PAK3: variants seen among roughly 807,000 people sequenced by gnomAD.
PAK3 encodes p21 (RAC1) activated kinase 3.
A neutral mutation model predicts 41.0 loss-of-function variants in PAK3; 4 were observed. The ratio of observed to expected loss-of-function variants is 0.10; its 90% CI spans 0.05 to 0.22. The LOEUF (loss-of-function observed/expected upper bound fraction) is 0.22. PAK3 is among the 10% of genes least tolerant of loss of function. The probability of loss-of-function intolerance (pLI) is 1.00; values close to 1 mark genes in which losing one functional copy is unlikely to be tolerated. For missense variants in PAK3, 205 were observed against 409.9 expected (o/e 0.50, Z 4.32); for synonymous variants, 146 against 139.6 (o/e 1.05, Z -0.32).
In PAK3 at chrX:111,195,915, T is replaced by C. The variant is rs1396231947; in HGVS notation, c.1184T>C (p.Leu395Pro). The C allele has an allele frequency of 8.7e-7, 1 of 1,148,018 alleles. No homozygotes were observed. The highest frequency in any genetic ancestry group is 1.2e-6 in the Non-Finnish European group (1 of 837,418). 94.6% of individuals were successfully genotyped at this position (1,148,018 alleles called of 1,213,427 possible). A position where few individuals can be genotyped will look rare whatever the true frequency, so the allele number is the denominator to read the frequency against. ...HRDIKSDNIL[L>P]GMDGSVKLTD... is the part of the protein sequence containing the mutation. ...GATATAAAGAGTGACAATATTCTTC[T>C]CGGGATGGATGGCTCTGTTAAATTG... Residue 395 changes from leucine (L) to proline (P), a missense_variant, in exon 15 of 18, where the codon CTC becomes CCC. Leu to Pro is a moderately conservative substitution (Grantham distance 98). This residue lies in a region of PAK3 where 42 missense variants were observed against 152.7 expected (regional missense o/e 0.28). Coordinates refer to ENST00000372007, the MANE Select transcript of PAK3 (RefSeq NM_002578.5).
chrX:111,007,337 CA>C (rs1218985023), intron 1 of PAK3, among the ~76,000 whole-genome samples: 2 of 111,348 alleles, frequency 1.8e-5, no homozygotes, highest in African/African-American at 6.5e-5. Context: ...TAAGCATAAA[CA>C]AAGGCTTGCA....
intron 1 of PAK3, among the ~76,000 whole-genome samples, chrX:111,067,051 C>A (rs968398027): frequency 8.9e-6 from 1 of 111,884 alleles, no homozygotes. Context: ...CATATTTGTT[C>A]TAATATTTTA....
rs1210527116 is a variant in PAK3, at chrX:111,186,374, A to T, written c.831-5753A>T. The stretch of plus-strand genomic sequence containing the variant: ...ATTGTCCCTGTTTGCAGACGACATG[A>T]TTGTATATCTAGAAAACCCCATTGT... On this transcript the variant is annotated intron_variant, in intron 11 of 17. Transcript: ENST00000372007. 5.4e-5 allele frequency among the ~76,000 whole-genome samples: 6 copies of T among 111,410 alleles called. No individual in the cohort carries two copies. The Admixed American group carries it at 5.7e-4, about 11-fold the overall frequency.
intron 6 of PAK3, among the ~76,000 whole-genome samples, chrX:111,146,723 T>C (rs2093948773): frequency 9.0e-6 from 1 of 111,274 alleles, no homozygotes; most frequent in South Asian, 3.9e-4. Flanking sequence ...CGTCACACAT[T>C]GTTTTGCCGA....
chrX:111,149,514 T>C lies in PAK3; in HGVS notation c.430+1624T>C, dbSNP rs144303741. 3.8e-3 allele frequency among the ~76,000 whole-genome samples: 431 copies of C among 112,311 alleles called. 2 individuals are homozygous for C. Among genetic ancestry groups the C allele is most frequent in the African/African-American group, 0.013 (411 of 30,928 alleles). On this transcript the variant is annotated intron_variant, in intron 7 of 17. Transcript: ENST00000372007. Reference sequence around the variant, plus strand: ...AGCTTTTGCCTGAGCATCCAGGCATTTCCATACATCTTCTGAAATCTAGGT... The same window carrying C: ...AGCTTTTGCCTGAGCATCCAGGCATCTCCATACATCTTCTGAAATCTAGGT...
At chrX:111,163,498 A>T in intron 9 of PAK3, 64 bp from the exon 10 acceptor site, 1 of 797,723 alleles carries the variant, frequency 1.3e-6, no homozygotes, top group Non-Finnish European at 1.9e-6. Flanking sequence ...ATATTACAAT[A>T]CATTGACTCC....
chrX:111,022,894 T>TA (rs1556445419), intron 1 of PAK3, among the ~76,000 whole-genome samples: 1,742 of 108,689 alleles, frequency 0.016, 45 homozygotes, highest in African/African-American at 0.054. Context: ...GCTATTCTTT[T>TA]TATATATATA....
In PAK3 at chrX:110,981,127, T is replaced by C. The variant is rs1000869344; in HGVS notation, c.-28+36499T>C. ...AACATTTGCTTCTGAGGCCTTCATT[T>C]TGGGGTACTGTTTTCTGAGCTCCAA... is the stretch of plus-strand genomic sequence containing the variant. On this transcript the variant is annotated intron_variant, in intron 1 of 14. Transcript: ENST00000425146. 1.4e-4 allele frequency among the ~76,000 whole-genome samples: 16 copies of C among 111,400 alleles called. 2 individuals are homozygous for C. The highest frequency in any genetic ancestry group is 1.4e-3 in the Admixed American group (15 of 10,520).
chrX:111,013,202 C>T (rs895692881), intron 1 of PAK3, among the ~76,000 whole-genome samples: 2 of 112,541 alleles, frequency 1.8e-5, no homozygotes, highest in Non-Finnish European at 3.8e-5. Context: ...TTTCATTTCA[C>T]AATCCAATTC....
intron 1 of PAK3, among the ~76,000 whole-genome samples, chrX:110,972,282 C>A (rs910164330): frequency 1.8e-5 from 2 of 111,415 alleles, no homozygotes; most frequent in African/African-American, 6.5e-5. Flanking sequence ...TCAAGTGGGT[C>A]CCCGACCCCC....
intron 11 of PAK3, among the ~76,000 whole-genome samples, chrX:111,188,702 A>G (rs2149305470): frequency 9.0e-6 from 1 of 111,702 alleles, no homozygotes; most frequent in South Asian, 3.8e-4. Flanking sequence ...ACAAATGATG[A>G]TAATAGCAGC....
intron 11 of PAK3, among the ~76,000 whole-genome samples, chrX:111,188,004 C>T (rs1469137348): frequency 6.6e-5 from 7 of 105,485 alleles, no homozygotes; most frequent in Non-Finnish European, 1.2e-4. Flanking sequence ...ATGGAGTAAG[C>T]GGGGAGGGGA....
At chrX:111,068,921 TG>T (rs2092721355) in intron 1 of PAK3, among the ~76,000 whole-genome samples, 1 of 112,340 alleles carries the variant, frequency 8.9e-6, no homozygotes, top group Non-Finnish European at 1.9e-5. Flanking sequence ...ATCACTTTAC[TG>T]CTGATTTCTA....
At chrX:111,006,364 C>T (rs1389695427) in intron 1 of PAK3, among the ~76,000 whole-genome samples, 1 of 111,383 alleles carries the variant, frequency 9.0e-6, no homozygotes, top group African/African-American at 3.3e-5. Flanking sequence ...AAGTATCTAG[C>T]GGTGAAAGGC....
chrX:110,949,072 A>G (rs150306553), intron 1 of PAK3, among the ~76,000 whole-genome samples: 93 of 112,270 alleles, frequency 8.3e-4, no homozygotes, highest in African/African-American at 2.9e-3. Flanking sequence ...AAGTCATTCT[A>G]AGAGTTGAAA....
intron 7 of PAK3, among the ~76,000 whole-genome samples, chrX:111,148,493 T>G (rs2093982805): frequency 8.9e-6 from 1 of 111,892 alleles, no homozygotes; most frequent in African/African-American, 3.2e-5. Flanking sequence ...ATTAGTCCAT[T>G]TTCATGCTGC....
intron 3 of PAK3, among the ~76,000 whole-genome samples, chrX:111,100,138 C>T (rs1314801759): frequency 9.1e-6 from 1 of 110,463 alleles, no homozygotes; most frequent in East Asian, 2.9e-4. Context: ...GGCTGGGTCT[C>T]ACAGACCTGA....
At chrX:111,151,594 A>G (rs2094027282) in intron 7 of PAK3, among the ~76,000 whole-genome samples, 1 of 112,087 alleles carries the variant, frequency 8.9e-6, no homozygotes, top group African/African-American at 3.2e-5. Context: ...TGTGGAATAT[A>G]TTCTAAGATC....
At chrX:111,126,886 C>T (rs1389120877) in intron 5 of PAK3, among the ~76,000 whole-genome samples, 2 of 110,462 alleles carry the variant, frequency 1.8e-5, no homozygotes, top group Non-Finnish European at 3.8e-5. Context: ...TTTTATAAGC[C>T]GGAGGTAACT....
Sources: gnomAD v4.1 joint callset for allele counts (sites outside exome capture counted in the v4.1 genomes callset) on GRCh38, gnomAD v4.1.1 for gene constraint, gnomAD v4.1.1 regional missense constraint, MANE v1.5 for transcripts, NCBI Gene and HGNC (gene_info 2026-07-23, HGNC 2026-07-21) for gene names.